Variants in PCDH9 observed in about 807,000 individuals in gnomAD.
PCDH9 encodes the protein protocadherin-9.
Under a neutral mutation model 70.6 loss-of-function variants are expected in PCDH9, and 24 were observed. The ratio of observed to expected loss-of-function variants is 0.34; its 90% CI spans 0.25 to 0.48. PCDH9 has a LOEUF of 0.48. PCDH9 is among the 20% of genes least tolerant of loss of function. The probability of loss-of-function intolerance (pLI) is 0.99; values close to 1 mark genes in which losing one functional copy is unlikely to be tolerated. For synonymous variants in PCDH9, 562 were observed against 558.5 expected (o/e 1.01, Z -0.09); for missense variants, 1,281 against 1,503.6 (o/e 0.85, Z 2.45).
intron 3 of PCDH9, among the ~76,000 whole-genome samples, chr13:66,815,646 G>A (rs749203692): frequency 6.6e-6 from 1 of 152,066 alleles, no homozygotes; most frequent in Non-Finnish European, 1.5e-5. Flanking sequence ...TATCCTAAGT[G>A]AACTAACATA....
In PCDH9 at chr13:66,332,164, G is replaced by T. The variant is rs573921917; in HGVS notation, c.3341-27136C>A. On this transcript the variant is annotated intron_variant, in intron 4 of 4. Transcript: ENST00000377865. Reference sequence around the variant, plus strand: ...CACGCTCCTTGGCTTACCTAGGAAAGAATTTCCTTCCAAACTTCTGAGGCA... The same window carrying T: ...CACGCTCCTTGGCTTACCTAGGAAATAATTTCCTTCCAAACTTCTGAGGCA... Among the ~76,000 whole-genome samples the T allele has an allele frequency of 9.5e-4, 144 of 152,202 alleles. 1 individual carries two copies. In the South Asian group the frequency reaches 0.012, roughly 12 times the overall value.
intron 3 of PCDH9, among the ~76,000 whole-genome samples, chr13:66,847,910 AT>A: frequency 6.6e-6 from 1 of 152,194 alleles, no homozygotes; most frequent in Non-Finnish European, 1.5e-5. Context: ...TCCATACAAT[AT>A]ATTCAAATGG....
chr13:67,119,265 C>T (rs924179732), intron 2 of PCDH9, among the ~76,000 whole-genome samples: 5 of 151,838 alleles, frequency 3.3e-5, no homozygotes, highest in Admixed American at 6.6e-5. Flanking sequence ...AGATCTTAGC[C>T]GGGATTTAAA....
At chr13:66,761,206 C>T (rs1009747980) in intron 3 of PCDH9, among the ~76,000 whole-genome samples, 11 of 152,022 alleles carry the variant, frequency 7.2e-5, no homozygotes, top group African/African-American at 1.4e-4. Context: ...GTGGGCATCA[C>T]GGAACCTGCT....
intron 2 of PCDH9, among the ~76,000 whole-genome samples, chr13:67,045,366 C>G (rs909144547): frequency 6.6e-6 from 1 of 151,972 alleles, no homozygotes; most frequent in Non-Finnish European, 1.5e-5. Context: ...CCTTTCAGTC[C>G]TTTCTCTTTT....
intron 3 of PCDH9, among the ~76,000 whole-genome samples, chr13:66,842,244 A>G (rs1185381885): frequency 6.6e-6 from 1 of 152,132 alleles, no homozygotes; most frequent in Non-Finnish European, 1.5e-5. Context: ...TTTATGTCTG[A>G]GGGCAACATC....
chr13:67,098,432 T>A (rs1244761679), intron 2 of PCDH9, among the ~76,000 whole-genome samples: 2 of 152,152 alleles, frequency 1.3e-5, no homozygotes, highest in East Asian at 3.9e-4. Context: ...CAATAAATGA[T>A]TTATGAAAGA....
chr13:67,096,991 G>A (rs1275622623), intron 2 of PCDH9, among the ~76,000 whole-genome samples: 3 of 151,902 alleles, frequency 2.0e-5, no homozygotes, highest in Non-Finnish European at 4.4e-5. Context: ...GCTCACACCT[G>A]TAATCCAGCG....
At chr13:66,665,365 TG>T (rs1361266133) in intron 3 of PCDH9, among the ~76,000 whole-genome samples, 1 of 152,162 alleles carries the variant, frequency 6.6e-6, no homozygotes, top group Non-Finnish European at 1.5e-5. Flanking sequence ...CCCAAAGTGC[TG>T]GGATTACAGG....
intron 3 of PCDH9, among the ~76,000 whole-genome samples, chr13:66,765,886 A>G (rs948947946): frequency 2.0e-5 from 3 of 152,008 alleles, no homozygotes; most frequent in Non-Finnish European, 4.4e-5. Flanking sequence ...TGTCTACACT[A>G]TGAATATAGA....
At chr13:66,700,331 A>T (rs1593915247) in intron 3 of PCDH9, among the ~76,000 whole-genome samples, 2 of 152,326 alleles carry the variant, frequency 1.3e-5, no homozygotes, top group Admixed American at 1.3e-4. Flanking sequence ...GAGGTCCTGC[A>T]GAAAAAAACC....
intron 4 of PCDH9, among the ~76,000 whole-genome samples, chr13:66,371,035 A>C (rs1477335264): frequency 6.6e-6 from 1 of 152,146 alleles, no homozygotes; most frequent in Non-Finnish European, 1.5e-5. Context: ...TAGCTGATTA[A>C]AACTTAATGA....
chr13:66,590,907 A>G (rs1345339511), intron 4 of PCDH9, among the ~76,000 whole-genome samples: 1 of 151,768 alleles, frequency 6.6e-6, no homozygotes, highest in Non-Finnish European at 1.5e-5. Flanking sequence ...ATTTAACACA[A>G]AGTTTTCTTT....
At chr13:67,083,428 A>G (rs1385792863) in intron 2 of PCDH9, among the ~76,000 whole-genome samples, 1 of 152,182 alleles carries the variant, frequency 6.6e-6, no homozygotes, top group Non-Finnish European at 1.5e-5. Context: ...GAGAGTGTCT[A>G]TATATCAATT....
chr13:66,412,169 G>A (rs1957381624), intron 4 of PCDH9, among the ~76,000 whole-genome samples: 1 of 152,142 alleles, frequency 6.6e-6, no homozygotes, highest in African/African-American at 2.4e-5. Flanking sequence ...CTGTAATGCA[G>A]ACTATTGTAA....
chr13:66,398,261 G>A (rs968525051), intron 4 of PCDH9, among the ~76,000 whole-genome samples: 5 of 152,228 alleles, frequency 3.3e-5, no homozygotes, highest in African/African-American at 1.2e-4. Context: ...TTTTAGTAAA[G>A]AGTGTAGAAT....
intron 2 of PCDH9, among the ~76,000 whole-genome samples, chr13:67,179,218 A>G (rs2088551066): frequency 6.6e-6 from 1 of 152,004 alleles, no homozygotes; most frequent in Non-Finnish European, 1.5e-5. Context: ...AGGTTTAGAG[A>G]GGTCACCTAG....
chr13:66,715,588 T>G (rs2078857303), intron 3 of PCDH9, among the ~76,000 whole-genome samples: 1 of 152,168 alleles, frequency 6.6e-6, no homozygotes, highest in Non-Finnish European at 1.5e-5. Flanking sequence ...TTTAAGAGGT[T>G]ATAGTACAGA....
At chr13:66,631,523 T>G in intron 3 of PCDH9, 112 bp from the exon 4 acceptor site, 1 of 631,694 alleles carries the variant, frequency 1.6e-6, no homozygotes, top group Non-Finnish European at 2.8e-6. Flanking sequence ...AAAAGCAAAA[T>G]AAACCAAACT....
Sources: allele counts gnomAD v4.1 joint callset (sites outside exome capture counted in the v4.1 genomes callset), GRCh38; gene constraint gnomAD v4.1.1; transcripts MANE v1.5; gene names NCBI Gene and HGNC (gene_info 2026-07-23, HGNC 2026-07-21).